FOCAD: variants seen among roughly 807,000 people sequenced by gnomAD.
The protein encoded by FOCAD is KIAA1797.
Under a neutral mutation model 225.6 loss-of-function variants are expected in FOCAD, and 198 were observed. The ratio of observed to expected loss-of-function variants is 0.88; its 90% CI spans 0.78 to 0.99. FOCAD has a LOEUF of 0.99. FOCAD is among the 50% of genes least tolerant of loss of function. The probability of loss-of-function intolerance (pLI) is 0.00; values close to 1 mark genes in which losing one functional copy is unlikely to be tolerated. For synonymous variants in FOCAD, 897 were observed against 755.0 expected (o/e 1.19, Z -3.08); for missense variants, 2,713 against 2,123.6 (o/e 1.28, Z -5.46).
In FOCAD at chr9:20,949,643, A is replaced by T; in HGVS notation, c.3916A>T (p.Arg1306Ter). 1 of 1,613,268 alleles carries T rather than the reference A, an allele frequency of 6.2e-7. No homozygotes were observed. Among genetic ancestry groups the T allele is most frequent in the Non-Finnish European group, 8.5e-7 (1 of 1,179,424 alleles). Residue 1306 changes from arginine to a stop codon, truncating the protein, a stop_gained, in exon 33 of 44, where the codon AGA becomes TGA. Coordinates refer to ENST00000338382, the MANE Select transcript of FOCAD (RefSeq NM_001375567.1). LOFTEE classifies it high-confidence loss of function. ...CATCCAGACCTCTCATTTTCAAGGC[A>T]GACTTAATGAAGTCATTAGAACCTT... ...EAIQTSHFQG[R>*]LNEVIRTLTQ...
chr9:20,861,087 C>CCTT (rs957946033), intron 15 of FOCAD, among the ~76,000 whole-genome samples: 36 of 152,218 alleles, frequency 2.4e-4, no homozygotes, highest in Admixed American at 1.6e-3. Context: ...TCTCTTGATA[C>CCTT]CTTCCCTGAT....
intron 3 of FOCAD, among the ~76,000 whole-genome samples, chr9:20,719,061 G>A (rs1825568530): frequency 1.3e-5 from 2 of 152,196 alleles, no homozygotes; most frequent in South Asian, 4.2e-4. Flanking sequence ...GAGGGAAAGT[G>A]GGTACAAAAT....
intron 5 of FOCAD, among the ~76,000 whole-genome samples, chr9:20,746,746 T>G (rs1473135851): frequency 6.6e-6 from 1 of 152,228 alleles, no homozygotes; most frequent in Non-Finnish European, 1.5e-5. Context: ...TATTCCAGTT[T>G]TGTCTGTTGT....
chr9:20,740,391 A>T (rs1477508922), intron 5 of FOCAD, 51 bp downstream of exon 5: 1 of 1,010,954 alleles, frequency 9.9e-7, no homozygotes, highest in Non-Finnish European at 1.5e-6. Flanking sequence ...TTTTAATGAA[A>T]TTATTAACTG....
rs766224304 is a variant in FOCAD at position 20,781,717 on chromosome 9, T to G, written c.995-10T>G. 2 of 1,612,300 alleles carry G rather than the reference T, an allele frequency of 1.2e-6. No individual in the cohort carries two copies. The highest frequency in any genetic ancestry group is 2.7e-5 in the African/African-American group (2 of 74,902). ...TTTTTAAAAATGTGCATTATTGTTT[T>G]GATGAATAGCTTTGAAGCTCCTCTC... On this transcript the variant is annotated splice_polypyrimidine_tract_variant and intron_variant, in intron 9 of 43. Coordinates refer to ENST00000338382, the MANE Select transcript of FOCAD (RefSeq NM_001375567.1).
chr9:20,981,744 T>C lies in FOCAD; in HGVS notation c.4638+58T>C. On this transcript the variant is annotated intron_variant, in intron 38 of 43. Coordinates refer to ENST00000338382, the MANE Select transcript of FOCAD (RefSeq NM_001375567.1). ...TTTATGTTTGGGATATTTTAAAGGCTTCTTGGCAAAGTGGGGAGGTGTATG... is the reference window on the plus strand; with the variant it reads ...TTTATGTTTGGGATATTTTAAAGGCCTCTTGGCAAAGTGGGGAGGTGTATG... 4.5e-6 allele frequency: 7 copies of C among 1,550,862 alleles called. No homozygotes were observed. In the Admixed American group the frequency reaches 1.4e-4, roughly 30 times the overall value.
rs193062203 is a variant in FOCAD, at chr9:20,892,461, A to G, written c.2625+7231A>G. Among the ~76,000 whole-genome samples the G allele has an allele frequency of 1.4e-3, 207 of 152,274 alleles. 3 individuals carry two copies. The highest frequency in any genetic ancestry group is 3.9e-4 in the East Asian group (2 of 5,184). On this transcript the variant is annotated intron_variant, in intron 21 of 43. Coordinates refer to ENST00000338382, the MANE Select transcript of FOCAD (RefSeq NM_001375567.1). The stretch of plus-strand genomic sequence containing the variant: ...ATATCAATGTTAACCAGTATTTATA[A>G]GAAATTGATTCCAGCCCTCTTGGAT...
At chr9:20,656,904 A>C (rs1227375268), upstream of FOCAD, among the ~76,000 whole-genome samples, 1 of 151,868 alleles carries the variant, frequency 6.6e-6, no homozygotes, top group Non-Finnish European at 1.5e-5. Context: ...ATGATTTTGC[A>C]GCGGCTGGTA....
At chr9:20,960,000 C>G (rs1048116628) in intron 35 of FOCAD, among the ~76,000 whole-genome samples, 1 of 151,992 alleles carries the variant, frequency 6.6e-6, no homozygotes, top group African/African-American at 2.4e-5. Flanking sequence ...GTAAGAAAAA[C>G]TCCACATTCC....
In FOCAD at chr9:20,951,102, A is replaced by C; in HGVS notation, c.4051+4A>C. Reference sequence around the variant, plus strand: ...TCAAGTCAAAGTAGAGCCTCTGGTAAGATTAAAGTCATAAAATACTGGAGC... The same window carrying C: ...TCAAGTCAAAGTAGAGCCTCTGGTACGATTAAAGTCATAAAATACTGGAGC... On this transcript the variant is annotated splice_donor_region_variant and intron_variant, in intron 34 of 43. Transcript: ENST00000338382. 1 of 1,609,318 alleles carries C rather than the reference A, an allele frequency of 6.2e-7. No homozygotes were observed. Among genetic ancestry groups the C allele is most frequent in the Non-Finnish European group, 8.5e-7 (1 of 1,175,772 alleles).
intron 15 of FOCAD, among the ~76,000 whole-genome samples, chr9:20,856,021 T>C (rs1310869665): frequency 6.6e-6 from 1 of 151,946 alleles, no homozygotes; most frequent in Admixed American, 6.6e-5. Flanking sequence ...TTCCAAATCT[T>C]GGCTATTGTG....
intron 21 of FOCAD, among the ~76,000 whole-genome samples, chr9:20,905,818 A>T (rs1832906859): frequency 6.6e-6 from 1 of 151,954 alleles, no homozygotes; most frequent in Non-Finnish European, 1.5e-5. Context: ...ATGTTGACTT[A>T]TTGACAAGGC....
chr9:20,980,799 G>C (rs746890752), intron 37 of FOCAD, among the ~76,000 whole-genome samples: 1 of 152,122 alleles, frequency 6.6e-6, no homozygotes, highest in Non-Finnish European at 1.5e-5. Context: ...ATGTTCCTAA[G>C]AATTTTTGAA....
Position 20,761,022 on chromosome 9 carries a change from G to C in FOCAD, c.494+2831G>C, listed in dbSNP as rs558209148. Among the ~76,000 whole-genome samples the C allele has an allele frequency of 1.2e-3, 182 of 151,506 alleles. 5 individuals carry two copies. Among genetic ancestry groups the C allele is most frequent in the African/African-American group, 5.6e-4 (23 of 41,252 alleles). On this transcript the variant is annotated intron_variant, in intron 6 of 43. Transcript: ENST00000338382. ...ATATATCTTCATGCTAGATTTTTTGGGGGGGGGCGTTACAATTATTATTAT... is the reference window on the plus strand; with the variant it reads ...ATATATCTTCATGCTAGATTTTTTGCGGGGGGGCGTTACAATTATTATTAT...
chr9:20,771,122 A>C (rs1398425830), intron 8 of FOCAD, among the ~76,000 whole-genome samples: 1 of 152,236 alleles, frequency 6.6e-6, no homozygotes, highest in East Asian at 1.9e-4. Context: ...TGGGAAGGGC[A>C]TTCCAGCTGT....
At chr9:20,770,883 A>G (rs1203286765) in intron 8 of FOCAD, among the ~76,000 whole-genome samples, 1 of 151,968 alleles carries the variant, frequency 6.6e-6, no homozygotes, top group Non-Finnish European at 1.5e-5. Context: ...TTTTTCATTT[A>G]TTCATGCAGA....
At chr9:20,864,780 G>A (rs911005100) in intron 16 of FOCAD, among the ~76,000 whole-genome samples, 56 of 151,978 alleles carry the variant, frequency 3.7e-4, no homozygotes, top group Non-Finnish European at 8.8e-5. Context: ...ACTGCGCTAG[G>A]TCTTAGAGAT....
intron 5 of FOCAD, among the ~76,000 whole-genome samples, chr9:20,755,562 G>A (rs900334181): frequency 8.5e-5 from 13 of 152,096 alleles, no homozygotes; most frequent in Admixed American, 3.3e-4. Flanking sequence ...GGATGGAAGG[G>A]AGATGACTTA....
intron 15 of FOCAD, among the ~76,000 whole-genome samples, chr9:20,848,065 G>A (rs1256614707): frequency 6.6e-5 from 10 of 151,952 alleles, no homozygotes; most frequent in Non-Finnish European, 1.0e-4. Context: ...AAGGTTTGCC[G>A]AAAATCACTG....
Sources: allele counts gnomAD v4.1 joint callset (sites outside exome capture counted in the v4.1 genomes callset), GRCh38; gene constraint gnomAD v4.1.1; transcripts MANE v1.5; gene names NCBI Gene and HGNC (gene_info 2026-07-23, HGNC 2026-07-21).